The following SCAI variants were observed in gnomAD, a reference collection of about 807,000 sequenced individuals.
SCAI encodes the protein protein SCAI.
SCAI carries 24 observed loss-of-function variants against 92.2 expected under a neutral mutation model. That is an observed-to-expected ratio of 0.26 (90% confidence interval 0.19 to 0.37). SCAI has a LOEUF of 0.37. SCAI is among the 10% of genes least tolerant of loss of function. The pLI is 1.00. For synonymous variants in SCAI, 261 were observed against 258.6 expected (o/e 1.01, Z -0.09); for missense variants, 450 against 736.2 (o/e 0.61, Z 4.50).
At chr9:125,075,268 CCATTT>C (rs1323493724) in intron 2 of SCAI, among the ~76,000 whole-genome samples, 2 of 152,064 alleles carry the variant, frequency 1.3e-5, no homozygotes, top group African/African-American at 4.8e-5. Context: ...ATTTAAATCA[CCATTT>C]ATTTATTTAT....
intron 9 of SCAI, 81 bp from the exon 10 acceptor site, chr9:125,003,651 G>A: frequency 3.5e-6 from 3 of 852,574 alleles, no homozygotes; most frequent in Non-Finnish European, 5.8e-6. Flanking sequence ...GTTACTAGTT[G>A]TGACTTTCAC....
At chr9:125,083,453 G>A (rs1203307764) in intron 2 of SCAI, among the ~76,000 whole-genome samples, 1 of 151,108 alleles carries the variant, frequency 6.6e-6, no homozygotes, top group African/African-American at 2.4e-5. Flanking sequence ...AGGAGGCGGA[G>A]GCTGCAGTGA....
At chr9:125,031,264 CT>C (rs113773224) in intron 3 of SCAI, among the ~76,000 whole-genome samples, 315 of 143,834 alleles carry the variant, frequency 2.2e-3, no homozygotes, top group Non-Finnish European at 2.5e-3. Flanking sequence ...ATTGAGGTCA[CT>C]TTTTTTTTTT....
At chr9:125,027,670 G>A (rs910838076) in intron 5 of SCAI, among the ~76,000 whole-genome samples, 2 of 152,062 alleles carry the variant, frequency 1.3e-5, no homozygotes, top group Non-Finnish European at 2.9e-5. Flanking sequence ...ACAGGCACCT[G>A]CCACCACACT....
chr9:124,964,496 T>A (rs148963969), intron 17 of SCAI, among the ~76,000 whole-genome samples: 1 of 152,328 alleles, frequency 6.6e-6, no homozygotes, highest in East Asian at 1.9e-4. Flanking sequence ...ATGATGGCAT[T>A]TCCAATGGTG....
At chr9:125,002,986 A>C in intron 11 of SCAI, 128 bp downstream of exon 11, 1 of 613,056 alleles carries the variant, frequency 1.6e-6, no homozygotes, top group Non-Finnish European at 2.9e-6. Flanking sequence ...CAGGATCATT[A>C]CTCTAAAGGC....
At chr9:125,098,602 G>C (rs1211352820) in intron 2 of SCAI, among the ~76,000 whole-genome samples, 1 of 152,138 alleles carries the variant, frequency 6.6e-6, no homozygotes, top group African/African-American at 2.4e-5. Flanking sequence ...CCAATAACCT[G>C]TAACATTATA....
chr9:125,096,548 A>G (rs1436415703), intron 2 of SCAI, among the ~76,000 whole-genome samples: 1 of 152,054 alleles, frequency 6.6e-6, no homozygotes, highest in Non-Finnish European at 1.5e-5. Flanking sequence ...AAGACTAGCC[A>G]AAGTTGTCTA....
At chr9:124,964,171 G>A (rs1831496662) in intron 17 of SCAI, among the ~76,000 whole-genome samples, 1 of 152,064 alleles carries the variant, frequency 6.6e-6, no homozygotes, top group Non-Finnish European at 1.5e-5. Flanking sequence ...CTTCTGCTGG[G>A]TTGTCTAATG....
intron 3 of SCAI, among the ~76,000 whole-genome samples, chr9:125,044,783 G>A (rs1447839928): frequency 1.3e-5 from 2 of 152,192 alleles, no homozygotes; most frequent in African/African-American, 4.8e-5. Context: ...AGCCAGGGTT[G>A]TGACATCCTC....
At chr9:125,126,275 C>T (rs377543209) in intron 2 of SCAI, among the ~76,000 whole-genome samples, 40 of 152,312 alleles carry the variant, frequency 2.6e-4, no homozygotes, top group Middle Eastern at 3.4e-3. Flanking sequence ...CACTTCCTCA[C>T]CACATGGCCC....
At chr9:125,085,356 G>A (rs1037556281) in intron 2 of SCAI, among the ~76,000 whole-genome samples, 11 of 152,074 alleles carry the variant, frequency 7.2e-5, no homozygotes, top group African/African-American at 2.4e-4. Context: ...GCGTGGTGGC[G>A]TGCACCTGTA....
chr9:125,082,172 T>C (rs1389247495), intron 2 of SCAI, among the ~76,000 whole-genome samples: 2 of 152,148 alleles, frequency 1.3e-5, no homozygotes, highest in Non-Finnish European at 2.9e-5. Context: ...GTGCCCTGCA[T>C]CCCAGACACC....
At chr9:124,997,868 T>A (rs1351814445) in intron 13 of SCAI, among the ~76,000 whole-genome samples, 1 of 120,200 alleles carries the variant, frequency 8.3e-6, no homozygotes, top group African/African-American at 3.3e-5. Flanking sequence ...AGAGTAAAAC[T>A]CTGTCTCAAA....
intron 2 of SCAI, among the ~76,000 whole-genome samples, chr9:125,138,229 G>A (rs962669379): frequency 4.0e-5 from 6 of 151,538 alleles, no homozygotes; most frequent in African/African-American, 1.5e-4. Flanking sequence ...TACAACCTTG[G>A]GGAAGTCGAA....
At chr9:124,996,219 G>GT (rs1166689091) in intron 13 of SCAI, among the ~76,000 whole-genome samples, 1 of 149,092 alleles carries the variant, frequency 6.7e-6, no homozygotes, top group Non-Finnish European at 1.5e-5. Context: ...TGGGGCGGGG[G>GT]TGGGGGGGTG....
intron 1 of SCAI, 78 bp downstream of exon 1, chr9:125,143,307 G>A (rs1454825327): frequency 5.7e-6 from 3 of 528,552 alleles, no homozygotes; most frequent in Non-Finnish European, 7.5e-6. Context: ...ATGCTCCACC[G>A]CCCCGAGCCG....
chr9:124,988,180 A>G (rs537463037), intron 14 of SCAI, among the ~76,000 whole-genome samples: 90 of 152,204 alleles, frequency 5.9e-4, no homozygotes, highest in Non-Finnish European at 1.1e-3. Context: ...TGACCAGGCC[A>G]TGAAGGAAGA....
intron 14 of SCAI, among the ~76,000 whole-genome samples, chr9:124,982,679 CAAA>C (rs35467160): frequency 1.2e-4 from 9 of 74,076 alleles, no homozygotes; most frequent in South Asian, 4.6e-4. Context: ...GACTCTGTCT[CAAA>C]AAAAAAAAAA....
Sources: allele counts gnomAD v4.1 joint callset (sites outside exome capture counted in the v4.1 genomes callset), GRCh38; gene constraint gnomAD v4.1.1; transcripts MANE v1.5; gene names NCBI Gene and HGNC (gene_info 2026-07-23, HGNC 2026-07-21).